DLGAP2: variants seen among roughly 807,000 people sequenced by gnomAD.
The protein encoded by DLGAP2 is DLG associated protein 2, also known as disks large-associated protein 2.
In DLGAP2, 26 loss-of-function variants were observed where a neutral mutation model predicts 100.3. That is an observed-to-expected ratio of 0.26 (90% CI 0.19 to 0.36). The LOEUF is 0.36. Among genes scored for constraint, DLGAP2 ranks in the 10% least tolerant of loss-of-function variants. DLGAP2 has a pLI of 1.00. For synonymous variants in DLGAP2, 886 were observed against 630.1 expected (o/e 1.41, Z -6.08); for missense variants, 1,858 against 1,453.2 (o/e 1.28, Z -4.53).
At chr8:1,390,494 C>T (rs1796324407) in intron 3 of DLGAP2, among the ~76,000 whole-genome samples, 1 of 152,312 alleles carries the variant, frequency 6.6e-6, no homozygotes, top group South Asian at 2.1e-4. Flanking sequence ...CCTGTCCATT[C>T]TGGGACCTCT....
chr8:1,280,864 G>A (rs1315839184), intron 3 of DLGAP2, among the ~76,000 whole-genome samples: 2 of 152,190 alleles, frequency 1.3e-5, no homozygotes, highest in African/African-American at 4.8e-5. Context: ...GTATCTTCAG[G>A]TCTATCCCTG....
At chr8:989,001 C>T (rs574817803) in intron 2 of DLGAP2, among the ~76,000 whole-genome samples, 9 of 152,318 alleles carry the variant, frequency 5.9e-5, no homozygotes, top group East Asian at 5.8e-4. Flanking sequence ...GCACTGCCTC[C>T]GCTCGCGGCT....
intron 3 of DLGAP2, among the ~76,000 whole-genome samples, chr8:1,294,652 T>G (rs1335372716): frequency 3.3e-5 from 5 of 152,192 alleles, no homozygotes; most frequent in Admixed American, 6.5e-5. Flanking sequence ...ACCAAATGTT[T>G]AAAATATAAA....
intron 8 of DLGAP2, among the ~76,000 whole-genome samples, chr8:1,662,131 C>G (rs1032063369): frequency 3.3e-5 from 5 of 152,254 alleles, no homozygotes; most frequent in African/African-American, 7.2e-5. Context: ...GTCCCACACA[C>G]CTTTCCTATG....
chr8:976,417 C>G (rs1800164566), intron 2 of DLGAP2, among the ~76,000 whole-genome samples: 1 of 152,020 alleles, frequency 6.6e-6, no homozygotes, highest in African/African-American at 2.4e-5. Context: ...CGAGACCATC[C>G]TGGCCAACAT....
At chr8:1,007,643 G>GC (rs1801159681) in intron 2 of DLGAP2, among the ~76,000 whole-genome samples, 1 of 146,908 alleles carries the variant, frequency 6.8e-6, no homozygotes, top group African/African-American at 2.5e-5. Flanking sequence ...TTTGGGGGGG[G>GC]GATCTTCTGT....
At chr8:1,337,199 G>A (rs1378946074) in intron 3 of DLGAP2, among the ~76,000 whole-genome samples, 3 of 67,114 alleles carry the variant, frequency 4.5e-5, no homozygotes, top group Admixed American at 3.6e-4. Context: ...GAGAATGATG[G>A]TGATGATGGT....
intron 2 of DLGAP2, among the ~76,000 whole-genome samples, chr8:989,352 T>A (rs1406586369): frequency 6.6e-6 from 1 of 152,044 alleles, no homozygotes; most frequent in Admixed American, 6.6e-5. Flanking sequence ...TGTCTTCGGG[T>A]TTTTTATGCC....
intron 2 of DLGAP2, among the ~76,000 whole-genome samples, chr8:1,251,559 A>G (rs1327692003): frequency 6.6e-6 from 1 of 152,202 alleles, no homozygotes; most frequent in Non-Finnish European, 1.5e-5. Context: ...TCGACCTCCC[A>G]GAGTGCTGGG....
At chr8:1,224,543 G>A (rs1267634868) in intron 2 of DLGAP2, among the ~76,000 whole-genome samples, 1 of 151,694 alleles carries the variant, frequency 6.6e-6, no homozygotes, top group Non-Finnish European at 1.5e-5. Flanking sequence ...AAAAATGATA[G>A]AAAAAAATCA....
chr8:1,083,212 C>T (rs1029730912), intron 2 of DLGAP2, among the ~76,000 whole-genome samples: 18 of 152,246 alleles, frequency 1.2e-4, no homozygotes, highest in East Asian at 7.7e-4. Context: ...AGGGGCATCG[C>T]GTAACACAAA....
intron 7 of DLGAP2, among the ~76,000 whole-genome samples, chr8:1,627,581 G>T (rs1797537450): frequency 1.3e-5 from 2 of 152,356 alleles, no homozygotes; most frequent in Admixed American, 6.5e-5. Flanking sequence ...TTTTAATTAA[G>T]CACGTTGCTT....
chr8:906,879 A>C (rs1798391843), intron 1 of DLGAP2, among the ~76,000 whole-genome samples: 1 of 152,214 alleles, frequency 6.6e-6, no homozygotes, highest in Non-Finnish European at 1.5e-5. Context: ...ACAGAGTTGA[A>C]AATTGGTGAT....
At chr8:965,220 C>G (rs1256460477) in intron 2 of DLGAP2, among the ~76,000 whole-genome samples, 52 of 141,236 alleles carry the variant, frequency 3.7e-4, no homozygotes, top group African/African-American at 1.4e-3. Flanking sequence ...AGTCTGACCC[C>G]GCACTGCACA....
chr8:1,172,785 C>G (rs1385179075), intron 2 of DLGAP2, among the ~76,000 whole-genome samples: 1 of 152,162 alleles, frequency 6.6e-6, no homozygotes, highest in Non-Finnish European at 1.5e-5. Context: ...ATACATTCTT[C>G]TAAATTTTTT....
intron 2 of DLGAP2, among the ~76,000 whole-genome samples, chr8:1,253,634 C>T (rs957496882): frequency 7.5e-6 from 1 of 133,000 alleles, no homozygotes; most frequent in Non-Finnish European, 1.7e-5. Context: ...GGGAATGAGC[C>T]GGTTCTCAGC....
intron 3 of DLGAP2, among the ~76,000 whole-genome samples, chr8:1,438,155 C>T (rs1487935792): frequency 2.0e-5 from 3 of 152,132 alleles, no homozygotes; most frequent in African/African-American, 4.8e-5. Flanking sequence ...GTGCTCCCAT[C>T]GTGTGGGTGT....
At chr8:1,047,991 A>G (rs887784541) in intron 2 of DLGAP2, among the ~76,000 whole-genome samples, 2 of 151,960 alleles carry the variant, frequency 1.3e-5, no homozygotes, top group African/African-American at 4.8e-5. Context: ...AAAACCTTAG[A>G]CCGTTAAGGC....
chr8:1,217,866 G>A (rs1200261634), intron 2 of DLGAP2, among the ~76,000 whole-genome samples: 1 of 152,088 alleles, frequency 6.6e-6, no homozygotes, highest in Non-Finnish European at 1.5e-5. Context: ...GTGATGTTTA[G>A]GATTTTTAAA....
Sources: allele counts gnomAD v4.1 joint callset (sites outside exome capture counted in the v4.1 genomes callset), GRCh38; gene constraint gnomAD v4.1.1; transcripts MANE v1.5; gene names NCBI Gene and HGNC (gene_info 2026-07-23, HGNC 2026-07-21).